Variants in PTCH1 observed in about 807,000 individuals in gnomAD.
PTCH1 encodes the protein protein patched homolog 1.
In PTCH1, 14 loss-of-function variants were observed where a neutral mutation model predicts 144.6. The ratio of observed to expected loss-of-function variants is 0.10; its 90% CI spans 0.06 to 0.15. The LOEUF (loss-of-function observed/expected upper bound fraction) is 0.15. Among genes scored for constraint, PTCH1 ranks in the 10% least tolerant of loss-of-function variants. The pLI, the probability that PTCH1 is intolerant of heterozygous loss-of-function variation, is 1.00. For missense variants in PTCH1, 1,623 were observed against 1,948.3 expected, an observed-to-expected ratio of 0.83 and a Z score of 3.14; for synonymous variants, 833 against 793.6, an observed-to-expected ratio of 1.05 and a Z score of -0.83.
intron 15 of PTCH1, among the ~76,000 whole-genome samples, chr9:95,463,306 G>C (rs541747812): frequency 2.1e-4 from 32 of 151,974 alleles, no homozygotes; most frequent in South Asian, 6.3e-4. Flanking sequence ...CTGGCTAGAG[G>C]AACAATTTGG....
At chr9:95,484,887 C>T (rs879680471) in intron 3 of PTCH1, among the ~76,000 whole-genome samples, 6 of 152,168 alleles carry the variant, frequency 3.9e-5, no homozygotes, top group Admixed American at 3.3e-4. Flanking sequence ...ATTAGCAATA[C>T]GATGCTAAAA....
chr9:95,505,747 CTATT>C (rs1179780768), intron 2 of PTCH1, among the ~76,000 whole-genome samples: 1 of 151,728 alleles, frequency 6.6e-6, no homozygotes, highest in African/African-American at 2.4e-5. Context: ...CTGTGCCTTA[CTATT>C]TTTTTTTCCA....
At chr9:95,473,049 GAAC>G (rs1840720136) in intron 12 of PTCH1, among the ~76,000 whole-genome samples, 1 of 152,204 alleles carries the variant, frequency 6.6e-6, no homozygotes. Flanking sequence ...AGACCAGACA[GAAC>G]AACAAGGGGT....
intron 20 of PTCH1, chr9:95,450,191 T>G: frequency 1.9e-6 from 1 of 524,716 alleles, no homozygotes; most frequent in East Asian, 3.4e-5. Flanking sequence ...AAAAAAAAAT[T>G]AGTTTGTTAA....
At chr9:95,478,825 T>C (rs1470127373) in intron 8 of PTCH1, among the ~76,000 whole-genome samples, 175 bp downstream of exon 8, 1 of 152,190 alleles carries the variant, frequency 6.6e-6, no homozygotes, top group Non-Finnish European at 1.5e-5. Flanking sequence ...GTCTTTTAGA[T>C]ATTATCCCAG....
At chr9:95,505,744 T>C (rs1256429580) in intron 2 of PTCH1, among the ~76,000 whole-genome samples, 1 of 151,078 alleles carries the variant, frequency 6.6e-6, no homozygotes, top group Non-Finnish European at 1.5e-5. Flanking sequence ...AGTCTGTGCC[T>C]TACTATTTTT....
intron 1 of PTCH1, chr9:95,507,900 G>A (rs960429247): frequency 1.5e-6 from 2 of 1,300,112 alleles, no homozygotes; most frequent in Non-Finnish European, 2.0e-6. Flanking sequence ...GGGAGGGCGT[G>A]TGTATACACA....
intron 2 of PTCH1, among the ~76,000 whole-genome samples, chr9:95,504,442 A>G (rs760402855): frequency 6.6e-5 from 10 of 152,240 alleles, no homozygotes; most frequent in Non-Finnish European, 7.3e-5. Flanking sequence ...TCAACATGTC[A>G]AAGGTCCACT....
rs796953919 is a variant in PTCH1 at position 95,507,218 on chromosome 9, C to G, written c.202-619G>C. On this transcript the variant is annotated intron_variant, in intron 1 of 23. Transcript: ENST00000331920. ...CTGAATTAGGAAGTGGGGCAGCCAG[C>G]TGCAACTTACGACAATATTTGTGAT... 4.1e-6 allele frequency: 4 copies of G among 985,576 alleles called. No individual in the cohort carries two copies. The African/African-American group carries it at 7.0e-5, about 17-fold the overall frequency. 61.1% of individuals were successfully genotyped at this position (985,576 alleles called of 1,614,324 possible).
Position 95,501,347 on chromosome 9 carries a change from G to A in PTCH1, c.394+5060C>T, listed in dbSNP as rs531049540. Among the ~76,000 whole-genome samples, 7 of 152,112 alleles carry A rather than the reference G, an allele frequency of 4.6e-5. 1 individual carries two copies. The East Asian group carries it at 1.2e-3, about 25-fold the overall frequency. On this transcript the variant is annotated intron_variant, in intron 2 of 23. Transcript: ENST00000331920. ...GCCCCCAACAACAGAGGATGATCCA[G>A]CCCCAATGTCAATAGTCCTGAGGTT...
Position 95,449,634 on chromosome 9 carries a change from A to T in PTCH1, c.3549+207T>A. 1.5e-6 allele frequency: 1 copy of T among 658,654 alleles called. No individual in the cohort carries two copies. Among genetic ancestry groups the T allele is most frequent in the Non-Finnish European group, 2.6e-6 (1 of 378,480 alleles). The allele number at this position is 658,654 out of a possible 1,614,324, so 40.8% of individuals were successfully genotyped here. A position where few individuals can be genotyped will look rare whatever the true frequency, so the allele number is the denominator to read the frequency against. ...AAAGATCTGTAAGACCCAGGCTGCC[A>T]ATCAGTTGATTTAGAGGAACCAAAC... On this transcript the variant is annotated intron_variant, in intron 21 of 23. Transcript: ENST00000331920. This position sits in a 1 kb window ranked among gnomAD's most constrained non-coding sequence, Gnocchi z 5.3.
In PTCH1 at chr9:95,476,159, C is replaced by T. The variant is rs1841019568; in HGVS notation, c.1603G>A (p.Asp535Asn). 5 of 1,611,206 alleles carry T rather than the reference C, an allele frequency of 3.1e-6. No individual in the cohort carries two copies. The highest frequency in any genetic ancestry group is 1.1e-5 in the South Asian group (1 of 90,432). ...CGCTTCAGGCACTCCCCGGTCCTGT[C>T]CTGGGAATAAAAAAACACAGCGCTG... ...TGQNKRIPFEDRTGECLKRTG... is the reference protein window; with the variant it reads ...TGQNKRIPFENRTGECLKRTG... The change falls in exon 12 of 24, where the codon GAC (aspartate) becomes AAC (asparagine). Residue 535 changes from aspartate (D) to asparagine (N), a missense_variant and splice_region_variant. Around this residue, in one of 7 missense-constraint regions of PTCH1, gnomAD observed 135 missense variants for 228.7 expected, o/e 0.59. Coordinates refer to ENST00000331920, the MANE Select transcript of PTCH1 (RefSeq NM_000264.5). The surrounding 1 kb of genome is among the most constrained non-coding windows in gnomAD (Gnocchi z 4.6).
At position 95,447,261 on chromosome 9, in the gene PTCH1, C is replaced by T. The variant is rs2136579702; in HGVS notation, c.3995G>A (p.Gly1332Asp). The change falls in exon 23 of 24, where the codon GGC (glycine) becomes GAC (aspartate). Residue 1332 changes from glycine to aspartate, a missense_variant. Gly to Asp is a moderately conservative substitution (Grantham distance 94, BLOSUM62 -1). This residue lies in a region of PTCH1 where 291 missense variants were observed against 287.4 expected (regional missense o/e 1.01). Transcript: ENST00000331920. The stretch of plus-strand genomic sequence containing the variant: ...GCCCCAGCGGGCCCTATTGCTAGGG[C>T]CAGAATGCCCTTCAGTAGAAATTTC... ...AFEISTEGHSGPSNRARWGPR... is the reference protein window; with the variant it reads ...AFEISTEGHSDPSNRARWGPR... 2 of 1,612,968 alleles carry T rather than the reference C, an allele frequency of 1.2e-6. No homozygotes were observed. The highest frequency in any genetic ancestry group is 1.7e-6 in the Non-Finnish European group (2 of 1,179,924).
chr9:95,510,632 A>C, upstream of PTCH1, among the ~76,000 whole-genome samples: 1 of 152,030 alleles, frequency 6.6e-6, no homozygotes, highest in African/African-American at 2.4e-5. Flanking sequence ...TTTTTTTTTA[A>C]ACGGGGTTGA....
upstream of PTCH1, among the ~76,000 whole-genome samples, chr9:95,509,388 G>A (rs1844021128): frequency 6.6e-6 from 1 of 152,160 alleles, no homozygotes. Flanking sequence ...CAGCAAACAT[G>A]ACTATTATTA....
upstream of PTCH1, among the ~76,000 whole-genome samples, chr9:95,510,057 G>A (rs1189501035): frequency 1.3e-5 from 2 of 151,320 alleles, no homozygotes; most frequent in Non-Finnish European, 2.9e-5. Flanking sequence ...TATAAACGTG[G>A]AATCCAGACA....
chr9:95,471,316 A>G (rs2118137674), intron 12 of PTCH1, among the ~76,000 whole-genome samples: 1 of 152,308 alleles, frequency 6.6e-6, no homozygotes, highest in East Asian at 1.9e-4. Context: ...ATGTCTTCCA[A>G]TAATTAATTC....
At chr9:95,496,168 T>G (rs1042215265) in intron 2 of PTCH1, among the ~76,000 whole-genome samples, 1 of 152,206 alleles carries the variant, frequency 6.6e-6, no homozygotes, top group Non-Finnish European at 1.5e-5. Context: ...ATTTACACAC[T>G]CAGCATTACC....
In PTCH1 at chr9:95,456,285, G is replaced by A. The variant is rs1426862267; in HGVS notation, c.3297C>T (p.His1099=). Residue 1099 remains histidine (H), a synonymous_variant, in exon 19 of 24, where the codon CAC becomes CAT. Transcript: ENST00000331920. ...CAAATGTCTCCCATACCAAAGCAAC[G>A]TGAACGGTGAACTCCACTCCTATGC... is the stretch of plus-strand genomic sequence containing the variant. ...SVGIGVEFTV[H]VALAFLTAIG... The A allele has an allele frequency of 5.0e-6, 8 of 1,613,738 alleles. No individual in the cohort carries two copies. Among genetic ancestry groups the A allele is most frequent in the African/African-American group, 1.3e-5 (1 of 74,936 alleles).
Sources: gnomAD v4.1 joint callset for allele counts (sites outside exome capture counted in the v4.1 genomes callset) on GRCh38, gnomAD v4.1.1 for gene constraint, gnomAD v4.1.1 regional missense constraint, Gnocchi (gnomAD v3.1) non-coding constraint, MANE v1.5 for transcripts, NCBI Gene and HGNC (gene_info 2026-07-23, HGNC 2026-07-21) for gene names.